ANO2: variants seen among roughly 807,000 people sequenced by gnomAD.
ANO2 encodes anoctamin 2.
ANO2 carries 101 observed loss-of-function variants against 124.2 expected under a neutral mutation model. That is an observed-to-expected ratio of 0.81 (90% CI 0.69 to 0.96). ANO2 has a LOEUF of 0.96. ANO2 is among the 40% of genes least tolerant of loss of function. The pLI, the probability that ANO2 is intolerant of heterozygous loss-of-function variation, is 0.00. For synonymous variants in ANO2, 486 were observed against 482.5 expected, an observed-to-expected ratio of 1.01 and a Z score of -0.09; for missense variants, 1,293 against 1,274.5, an observed-to-expected ratio of 1.01 and a Z score of -0.22.
At chr12:5,609,883 A>G (rs112601616) in intron 19 of ANO2, among the ~76,000 whole-genome samples, 2,375 of 148,108 alleles carry the variant, frequency 0.016, 44 homozygotes, top group African/African-American at 0.043. Context: ...ATATATATAT[A>G]TGTTTTATAC....
chr12:5,800,652 C>CCACT (rs1311518770), intron 9 of ANO2, among the ~76,000 whole-genome samples: 2 of 152,126 alleles, frequency 1.3e-5, no homozygotes, highest in East Asian at 3.9e-4. Context: ...TTGGCCTGAG[C>CCACT]CACTGAGTCA....
chr12:5,922,533 A>G (rs1214006337), intron 2 of ANO2, 87 bp downstream of exon 2: 13 of 1,392,850 alleles, frequency 9.3e-6, no homozygotes, highest in Admixed American at 2.6e-5. Context: ...TGTGCTCCCA[A>G]CTGGAGGATC....
intron 22 of ANO2, among the ~76,000 whole-genome samples, chr12:5,576,313 C>G (rs985226606): frequency 6.6e-6 from 1 of 152,208 alleles, no homozygotes; most frequent in African/African-American, 2.4e-5. Context: ...TCTGAGATAT[C>G]TAACATTGCT....
intron 3 of ANO2, among the ~76,000 whole-genome samples, chr12:5,876,749 G>T (rs1161519206): frequency 1.3e-5 from 2 of 152,150 alleles, no homozygotes; most frequent in African/African-American, 2.4e-5. Context: ...AACACTGCAT[G>T]TTCTCACTCA....
chr12:5,698,787 T>C (rs187781145), intron 14 of ANO2, among the ~76,000 whole-genome samples: 149 of 152,280 alleles, frequency 9.8e-4, no homozygotes, highest in Non-Finnish European at 1.4e-3. Context: ...GCACGAGAAC[T>C]ATGTGACACA....
rs1050220988 is a variant in ANO2 at position 5,599,433 on chromosome 12, AC to A, written c.2233+50del. 3.9e-6 allele frequency: 6 copies of A among 1,555,836 alleles called. No individual in the cohort carries two copies. The African/African-American group carries it at 8.4e-5, about 22-fold the overall frequency. Reference sequence around the variant, plus strand: ...CTACCTTCCCCCTTCAACCCCACAGACCCCTTGTCTGAACCTGCCCCCAGTG... The same window carrying A: ...CTACCTTCCCCCTTCAACCCCACAGACCCTTGTCTGAACCTGCCCCCAGTG... On this transcript the variant is annotated intron_variant, in intron 20 of 24. Transcript: ENST00000682330.
At chr12:5,651,837 T>C (rs191017478) in intron 14 of ANO2, among the ~76,000 whole-genome samples, 183 of 152,362 alleles carry the variant, frequency 1.2e-3, no homozygotes, top group African/African-American at 3.7e-3. Context: ...AGTGGATTCA[T>C]AGAGTATGCA....
chr12:5,607,511 AC>A (rs1402092705), intron 19 of ANO2, among the ~76,000 whole-genome samples: 1 of 151,966 alleles, frequency 6.6e-6, no homozygotes, highest in African/African-American at 2.4e-5. Flanking sequence ...CTGGATTTAA[AC>A]CCAGATCTGG....
intron 19 of ANO2, among the ~76,000 whole-genome samples, chr12:5,607,747 G>A (rs751420069): frequency 5.3e-5 from 8 of 152,130 alleles, no homozygotes; most frequent in Non-Finnish European, 1.2e-4. Flanking sequence ...CTGTGCATGC[G>A]AGGGATCTAG....
At chr12:5,603,294 A>G (rs1040679659) in intron 19 of ANO2, among the ~76,000 whole-genome samples, 9 of 152,218 alleles carry the variant, frequency 5.9e-5, no homozygotes, top group Admixed American at 2.0e-4. Context: ...TTTAAACAAA[A>G]GTGACCAATA....
intron 4 of ANO2, among the ~76,000 whole-genome samples, chr12:5,834,737 A>C (rs1050561417): frequency 1.3e-5 from 2 of 152,232 alleles, no homozygotes; most frequent in African/African-American, 4.8e-5. Flanking sequence ...AAAACATTAA[A>C]GTATATTAAC....
chr12:5,840,243 ATT>A (rs1360304714), intron 4 of ANO2, among the ~76,000 whole-genome samples: 2 of 152,030 alleles, frequency 1.3e-5, no homozygotes, highest in African/African-American at 4.8e-5. Context: ...TGTTGCTGTT[ATT>A]TTTTATTCCA....
chr12:5,645,417 GTGTGTGTGAA>G (rs1222589628), intron 15 of ANO2, among the ~76,000 whole-genome samples: 1 of 147,742 alleles, frequency 6.8e-6, no homozygotes, highest in African/African-American at 2.7e-5. Flanking sequence ...CCATGGTCGT[GTGTGTGTGAA>G]TGTGTGTGTG....
At chr12:5,644,215 C>T (rs60235134) in intron 15 of ANO2, among the ~76,000 whole-genome samples, 3,436 of 152,100 alleles carry the variant, frequency 0.023, 132 homozygotes, top group African/African-American at 0.079. Flanking sequence ...TGAACAAGGC[C>T]CAGTTTTATT....
At chr12:5,583,968 C>T (rs377359210) in intron 20 of ANO2, 2 of 235,626 alleles carry the variant, frequency 8.5e-6, no homozygotes, top group South Asian at 7.6e-5. Context: ...GAGCACCATG[C>T]ATGAAAGTGA....
intron 19 of ANO2, among the ~76,000 whole-genome samples, chr12:5,607,477 C>G (rs974230110): frequency 6.6e-6 from 1 of 151,358 alleles, no homozygotes; most frequent in Admixed American, 6.6e-5. Context: ...TTGCCAAGGT[C>G]ACACAGTGAG....
At chr12:5,705,768 T>G (rs1436468282) in intron 14 of ANO2, among the ~76,000 whole-genome samples, 1 of 152,212 alleles carries the variant, frequency 6.6e-6, no homozygotes, top group Non-Finnish European at 1.5e-5. Flanking sequence ...GCTTCTCTAG[T>G]CCAGCCTTCA....
chr12:5,749,893 A>C (rs1951385640), intron 11 of ANO2, among the ~76,000 whole-genome samples: 1 of 152,066 alleles, frequency 6.6e-6, no homozygotes, highest in African/African-American at 2.4e-5. Flanking sequence ...CACATGGCTA[A>C]TATATAACAT....
chr12:5,906,305 C>T (rs1468362833), intron 3 of ANO2, among the ~76,000 whole-genome samples: 2 of 146,490 alleles, frequency 1.4e-5, no homozygotes, highest in Non-Finnish European at 3.0e-5. Context: ...ATTCAACAAA[C>T]AGCACTAAAG....
Sources: allele counts gnomAD v4.1 joint callset (sites outside exome capture counted in the v4.1 genomes callset), GRCh38; gene constraint gnomAD v4.1.1; transcripts MANE v1.5; gene names NCBI Gene and HGNC (gene_info 2026-07-23, HGNC 2026-07-21).